Variants in RABGAP1L observed in about 807,000 individuals in gnomAD.
RABGAP1L encodes the protein rab GTPase-activating protein 1-like.
RABGAP1L carries 63 observed loss-of-function variants against 137.7 expected under a neutral mutation model. That is an observed-to-expected ratio of 0.46 (90% CI 0.37 to 0.56). RABGAP1L has a LOEUF of 0.56. RABGAP1L is among the 20% of genes least tolerant of loss of function. RABGAP1L has a pLI of 0.00. For synonymous variants in RABGAP1L, 431 were observed against 433.7 expected, an observed-to-expected ratio of 0.99 and a Z score of 0.08; for missense variants, 1,095 against 1,244.0, an observed-to-expected ratio of 0.88 and a Z score of 1.80.
chr1:174,496,067 A>T (rs977734016), intron 13 of RABGAP1L, among the ~76,000 whole-genome samples: 1 of 152,192 alleles, frequency 6.6e-6, no homozygotes, highest in Non-Finnish European at 1.5e-5. Context: ...TCTATGTCAA[A>T]CTGTAGACAT....
rs771404822 is a variant in RABGAP1L at position 174,976,136 on chromosome 1, T to G, written c.2603T>G (p.Val868Gly). Residue 868 changes from valine to glycine, a missense_variant, in exon 22 of 26, where the codon GTG (valine) becomes GGG (glycine). Transcript: ENST00000681986. The stretch of plus-strand genomic sequence containing the variant: ...CTCCTTTTGACCAAACAGAGGCTGG[T>G]GGAGACTGAAGAGGAGAAGAGGAAG... Reference protein sequence around the residue: ...KELLLTKQRLVETEEEKRKQE... With the variant: ...KELLLTKQRLGETEEEKRKQE... The G allele has an allele frequency of 6.4e-7, 1 of 1,550,778 alleles. No homozygotes were observed. Among genetic ancestry groups the G allele is most frequent in the Non-Finnish European group, 8.7e-7 (1 of 1,147,080 alleles).
chr1:174,234,584 C>T lies in RABGAP1L; in HGVS notation c.542+3229C>T, dbSNP rs976464003. On this transcript the variant is annotated intron_variant, in intron 4 of 25. Coordinates refer to ENST00000681986, the MANE Select transcript of RABGAP1L (RefSeq NM_001366446.1). ...CAAAGATCAGATAGTTGTAGGTATGCGGCATTATTTCTGAGGGCTCTTTTC... is the reference window on the plus strand; with the variant it reads ...CAAAGATCAGATAGTTGTAGGTATGTGGCATTATTTCTGAGGGCTCTTTTC... Among the ~76,000 whole-genome samples the T allele has an allele frequency of 2.3e-4, 35 of 150,692 alleles. 2 individuals are homozygous for T. Among genetic ancestry groups the T allele is most frequent in the African/African-American group, 6.5e-4 (26 of 40,064 alleles).
At chr1:174,906,963 A>T (rs1659197365) in intron 19 of RABGAP1L, among the ~76,000 whole-genome samples, 1 of 152,158 alleles carries the variant, frequency 6.6e-6, no homozygotes, top group Admixed American at 6.5e-5. Flanking sequence ...CATATGAAGG[A>T]GATATAAAAT....
intron 16 of RABGAP1L, among the ~76,000 whole-genome samples, chr1:174,701,466 G>A (rs1024099827): frequency 8.5e-5 from 13 of 152,138 alleles, no homozygotes; most frequent in African/African-American, 2.9e-4. Flanking sequence ...CCTGGGCTGG[G>A]TACAGTGGCT....
chr1:174,835,842 T>C (rs1353699996), intron 19 of RABGAP1L, among the ~76,000 whole-genome samples: 1 of 152,154 alleles, frequency 6.6e-6, no homozygotes, highest in African/African-American at 2.4e-5. Context: ...TCCTTTGGTC[T>C]GGTTATGTAA....
intron 1 of RABGAP1L, among the ~76,000 whole-genome samples, chr1:174,198,451 C>T (rs1006418212): frequency 7.2e-5 from 11 of 152,092 alleles, no homozygotes; most frequent in Non-Finnish European, 1.5e-4. Context: ...AGTAAATAAT[C>T]CCTAAATTCA....
chr1:174,605,511 T>G (rs1029481920), intron 13 of RABGAP1L, among the ~76,000 whole-genome samples: 1 of 152,238 alleles, frequency 6.6e-6, no homozygotes, highest in Non-Finnish European at 1.5e-5. Context: ...AAAGCCTTTT[T>G]TTTTTAATCT....
At chr1:174,479,994 C>T (rs1435291581) in intron 13 of RABGAP1L, among the ~76,000 whole-genome samples, 1 of 152,110 alleles carries the variant, frequency 6.6e-6, no homozygotes, top group African/African-American at 2.4e-5. Context: ...AGTTGGTTCT[C>T]ATGTTTTTTG....
chr1:174,974,753 G>T (rs2149375279), intron 21 of RABGAP1L, among the ~76,000 whole-genome samples: 1 of 152,368 alleles, frequency 6.6e-6, no homozygotes, highest in South Asian at 2.1e-4. Flanking sequence ...AAGCAGAGCA[G>T]CTGGAATGCA....
chr1:174,317,037 G>A (rs942179375), intron 11 of RABGAP1L, among the ~76,000 whole-genome samples: 5 of 151,928 alleles, frequency 3.3e-5, no homozygotes, highest in Admixed American at 6.6e-5. Flanking sequence ...CAGGCTTCAG[G>A]GCAGTGGGCT....
chr1:174,327,825 T>G (rs1680568984), intron 11 of RABGAP1L, among the ~76,000 whole-genome samples: 1 of 150,324 alleles, frequency 6.7e-6, no homozygotes, highest in African/African-American at 2.5e-5. Context: ...AAATATAAAC[T>G]AAAAGAAAGC....
rs533196401 is a variant in RABGAP1L at position 174,809,510 on chromosome 1, T to C, written c.2212-2322T>C. On this transcript the variant is annotated intron_variant, in intron 18 of 25. Coordinates refer to ENST00000681986, the MANE Select transcript of RABGAP1L (RefSeq NM_001366446.1). ...TGTGCTAAAAGGCTGGATTTGAAAT[T>C]AGGCCTTGGCAATATTAGAAAATTA... Among the ~76,000 whole-genome samples, 8 of 152,310 alleles carry C rather than the reference T, an allele frequency of 5.3e-5. No homozygotes were observed. The East Asian group carries it at 7.7e-4, about 15-fold the overall frequency.
intron 21 of RABGAP1L, among the ~76,000 whole-genome samples, chr1:174,975,763 T>C (rs568903298): frequency 6.6e-6 from 1 of 152,340 alleles, no homozygotes; most frequent in African/African-American, 2.4e-5. Flanking sequence ...TTTGATGTTA[T>C]TCAAATCTGA....
intron 13 of RABGAP1L, among the ~76,000 whole-genome samples, chr1:174,630,083 A>T (rs1259302933): frequency 6.6e-6 from 1 of 151,150 alleles, no homozygotes; most frequent in East Asian, 2.0e-4. Flanking sequence ...TACCTAATTT[A>T]TTGAGAGTTT....
chr1:174,962,865 A>T (rs1413165751), intron 20 of RABGAP1L, among the ~76,000 whole-genome samples: 1 of 152,092 alleles, frequency 6.6e-6, no homozygotes, highest in East Asian at 1.9e-4. Flanking sequence ...TGGGAGGCCA[A>T]GGCAGGTGGA....
At chr1:174,622,861 A>G (rs1672638897) in intron 13 of RABGAP1L, among the ~76,000 whole-genome samples, 1 of 152,252 alleles carries the variant, frequency 6.6e-6, no homozygotes, top group African/African-American at 2.4e-5. Flanking sequence ...TATTTTAAAA[A>G]ATACCGAAAT....
chr1:174,735,669 A>G (rs1682880113), intron 17 of RABGAP1L, among the ~76,000 whole-genome samples: 1 of 151,958 alleles, frequency 6.6e-6, no homozygotes, highest in South Asian at 2.1e-4. Flanking sequence ...ATAATTTATA[A>G]AGAAAAGAGT....
chr1:174,887,941 G>A (rs575080450), intron 19 of RABGAP1L, among the ~76,000 whole-genome samples: 1 of 152,182 alleles, frequency 6.6e-6, no homozygotes, highest in African/African-American at 2.4e-5. Context: ...GGAGGCTGAG[G>A]CAAGAGAATT....
At chr1:174,769,433 G>A (rs1685938917) in intron 18 of RABGAP1L, among the ~76,000 whole-genome samples, 1 of 152,146 alleles carries the variant, frequency 6.6e-6, no homozygotes, top group Non-Finnish European at 1.5e-5. Flanking sequence ...TTATCTACAG[G>A]AGTAATTGGG....
Sources: gnomAD v4.1 joint callset for allele counts (sites outside exome capture counted in the v4.1 genomes callset) on GRCh38, gnomAD v4.1.1 for gene constraint, MANE v1.5 for transcripts, NCBI Gene and HGNC (gene_info 2026-07-23, HGNC 2026-07-21) for gene names.